The following ARB2A variants were observed in gnomAD, a reference collection of about 807,000 sequenced individuals.
ARB2A encodes ARB2 cotranscriptional regulator A.
chr5:93,847,778 T>C, the ARB2A span, among the ~76,000 whole-genome samples: 2 of 152,184 alleles, frequency 1.3e-5, no homozygotes, highest in African/African-American at 4.8e-5. Flanking sequence ...CACAGAAAGG[T>C]TGAATCACTT....
At chr5:93,795,842 G>GA in the ARB2A span, among the ~76,000 whole-genome samples, 121,207 of 148,546 alleles carry the variant, frequency 0.82, 49,683 homozygotes, top group East Asian at 0.95. Flanking sequence ...GAAGACTATT[G>GA]AAAAGCAAAA....
the ARB2A span, among the ~76,000 whole-genome samples, chr5:93,792,760 T>C: frequency 6.6e-6 from 1 of 150,854 alleles, no homozygotes; most frequent in Non-Finnish European, 1.5e-5. Flanking sequence ...AAATGACAAG[T>C]TAATGGGTGC....
the ARB2A span, among the ~76,000 whole-genome samples, chr5:93,799,656 T>G: frequency 6.6e-6 from 1 of 152,142 alleles, no homozygotes; most frequent in Non-Finnish European, 1.5e-5. Context: ...ATCTGATTGC[T>G]TGTACATGGT....
the ARB2A span, among the ~76,000 whole-genome samples, chr5:94,008,339 C>A: frequency 5.3e-5 from 8 of 152,288 alleles, no homozygotes; most frequent in East Asian, 1.3e-3. Flanking sequence ...AAAAGAAGTT[C>A]TTTGATGCTT....
At chr5:93,772,354 C>A in the ARB2A span, among the ~76,000 whole-genome samples, 1 of 151,846 alleles carries the variant, frequency 6.6e-6, no homozygotes, top group African/African-American at 2.4e-5. Context: ...ATACCTAATG[C>A]TAAATGACGA....
chr5:93,897,035 T>C, the ARB2A span, among the ~76,000 whole-genome samples: 1 of 152,002 alleles, frequency 6.6e-6, no homozygotes, highest in Non-Finnish European at 1.5e-5. Flanking sequence ...AAGTTCCTAA[T>C]ACATAAAGGG....
At chr5:93,629,688 A>G in the ARB2A span, among the ~76,000 whole-genome samples, 1 of 152,162 alleles carries the variant, frequency 6.6e-6, no homozygotes. Context: ...CCCCCACAAA[A>G]TAATACATTT....
At chr5:93,759,899 A>C in the ARB2A span, among the ~76,000 whole-genome samples, 182 of 152,292 alleles carry the variant, frequency 1.2e-3, no homozygotes, top group African/African-American at 4.1e-3. Context: ...CAGCCAGAGC[A>C]ATCAGATAAG....
the ARB2A span, among the ~76,000 whole-genome samples, chr5:94,067,890 G>A: frequency 6.6e-6 from 1 of 152,148 alleles, no homozygotes; most frequent in East Asian, 1.9e-4. Flanking sequence ...GAACACAGCT[G>A]GAGAGATCAT....
the ARB2A span, among the ~76,000 whole-genome samples, chr5:93,744,434 C>CAAAA: frequency 9.2e-3 from 134 of 14,494 alleles, 6 homozygotes; most frequent in Non-Finnish European, 0.013. Flanking sequence ...GACTCAGTCT[C>CAAAA]AAAAAAAAAA....
chr5:93,933,954 C>T, the ARB2A span, among the ~76,000 whole-genome samples: 2 of 151,986 alleles, frequency 1.3e-5, no homozygotes, highest in Middle Eastern at 3.4e-3. Context: ...TGCAGTGAGC[C>T]GAGATCACGC....
At chr5:93,655,479 CA>C in the ARB2A span, among the ~76,000 whole-genome samples, 1 of 152,160 alleles carries the variant, frequency 6.6e-6, no homozygotes, top group Non-Finnish European at 1.5e-5. Flanking sequence ...GTGTCACCTT[CA>C]AATTTCCTCT....
the ARB2A span, among the ~76,000 whole-genome samples, chr5:93,966,180 G>A: frequency 2.4e-4 from 36 of 152,082 alleles, no homozygotes; most frequent in East Asian, 2.3e-3. Flanking sequence ...AATAAGATTA[G>A]CAAAATGAGT....
the ARB2A span, among the ~76,000 whole-genome samples, chr5:93,935,263 G>A: frequency 6.6e-6 from 1 of 152,094 alleles, no homozygotes. Flanking sequence ...TTTAAAAAAA[G>A]ATAACAGTAC....
the ARB2A span, among the ~76,000 whole-genome samples, chr5:93,794,956 T>C: frequency 6.6e-6 from 1 of 152,156 alleles, no homozygotes; most frequent in Non-Finnish European, 1.5e-5. Context: ...AAACTTGTCC[T>C]AGGGACACCT....
chr5:93,670,312 C>G, the ARB2A span, among the ~76,000 whole-genome samples: 2 of 152,188 alleles, frequency 1.3e-5, no homozygotes, highest in Admixed American at 1.3e-4. Flanking sequence ...ACTGTACTTA[C>G]AAGAAAATAA....
chr5:94,005,414 C>G, the ARB2A span, among the ~76,000 whole-genome samples: 1 of 152,056 alleles, frequency 6.6e-6, no homozygotes, highest in African/African-American at 2.4e-5. Context: ...CACCATATTG[C>G]CCAGGGTGGT....
chr5:93,750,031 T>C, the ARB2A span, among the ~76,000 whole-genome samples: 134,630 of 152,202 alleles, frequency 0.88, 59,724 homozygotes, highest in East Asian at 1. Flanking sequence ...CTGTGAGCTC[T>C]TTGAGGGCAG....
the ARB2A span, among the ~76,000 whole-genome samples, chr5:93,753,928 G>T: frequency 1.3e-5 from 2 of 152,200 alleles, no homozygotes; most frequent in African/African-American, 4.8e-5. Flanking sequence ...TGTGTGCCTG[G>T]TACAAAGTGG....
Sources: allele counts gnomAD v4.1 joint callset (sites outside exome capture counted in the v4.1 genomes callset), GRCh38; gene constraint gnomAD v4.1.1; transcripts MANE v1.5; gene names NCBI Gene and HGNC (gene_info 2026-07-23, HGNC 2026-07-21).